The following GLIS3 variants were observed in gnomAD, a reference collection of about 807,000 sequenced individuals.
The protein encoded by GLIS3 is GLIS family zinc finger 3.
A neutral mutation model predicts 78.6 loss-of-function variants in GLIS3; 53 were observed. That is an observed-to-expected ratio of 0.67 (90% CI 0.54 to 0.85). The LOEUF is 0.85. Among genes scored for constraint, GLIS3 ranks in the 40% least tolerant of loss-of-function variants. GLIS3 has a pLI of 0.00. For synonymous variants in GLIS3, 684 were observed against 509.9 expected, an observed-to-expected ratio of 1.34 and a Z score of -4.60; for missense variants, 1,703 against 1,231.1, an observed-to-expected ratio of 1.38 and a Z score of -5.74.
chr9:4,370,960 A>T, the GLIS3 span, among the ~76,000 whole-genome samples: 1 of 152,150 alleles, frequency 6.6e-6, no homozygotes, highest in Non-Finnish European at 1.5e-5. Flanking sequence ...GTAAATTAAG[A>T]AGGAAAATTG....
At chr9:4,351,396 CA>C (rs5896064), upstream of GLIS3, among the ~76,000 whole-genome samples, 98,866 of 113,378 alleles carry the variant, frequency 0.87, 43,416 homozygotes, top group South Asian at 0.96. Context: ...CAGAGTGTCT[CA>C]AAAAAAAAAA....
intron 2 of GLIS3, among the ~76,000 whole-genome samples, chr9:4,134,345 T>C (rs1284742444): frequency 2.0e-5 from 3 of 152,200 alleles, no homozygotes; most frequent in African/African-American, 4.8e-5. Flanking sequence ...ATGCCTAATA[T>C]AAAATATGAG....
the GLIS3 span, among the ~76,000 whole-genome samples, chr9:4,413,282 T>A: frequency 6.6e-6 from 1 of 152,228 alleles, no homozygotes; most frequent in Non-Finnish European, 1.5e-5. Context: ...GCCATACCCT[T>A]GCATAGTGCC....
At chr9:4,337,383 T>C (rs751207447) in intron 2 of GLIS3, among the ~76,000 whole-genome samples, 7 of 152,232 alleles carry the variant, frequency 4.6e-5, no homozygotes, top group Non-Finnish European at 1.0e-4. Context: ...ATTAAAGTGA[T>C]ATGGTCAAAA....
At chr9:4,191,374 A>T (rs1818320511) in intron 2 of GLIS3, among the ~76,000 whole-genome samples, 1 of 152,224 alleles carries the variant, frequency 6.6e-6, no homozygotes, top group Non-Finnish European at 1.5e-5. Flanking sequence ...GTTTCATAAA[A>T]ATCGTTATCA....
intron 4 of GLIS3, among the ~76,000 whole-genome samples, chr9:4,054,983 G>C (rs936872102): frequency 6.6e-6 from 1 of 151,142 alleles, no homozygotes. Context: ...CAAGGATCTG[G>C]CTAACGTTGA....
rs759681640 is a variant in GLIS3, at chr9:4,117,948, C to A, written c.1530G>T (p.Leu510=). The change falls in exon 4 of 11, where the codon CTG becomes CTT. Residue 510 remains leucine, a synonymous_variant. Coordinates refer to ENST00000381971, the MANE Select transcript of GLIS3 (RefSeq NM_001042413.2). ...HCCRWIDCSA[L]YDQQEELVRH... is the part of the protein sequence containing the mutation. ...GCACGAGCTCCTCCTGCTGGTCGTA[C>A]AGGGCGCTGCAGTCGATCCAGCGGC... The A allele has an allele frequency of 2.5e-6, 4 of 1,613,960 alleles. No individual in the cohort carries two copies. The highest frequency in any genetic ancestry group is 1.6e-4 in the Middle Eastern group (1 of 6,084).
intron 2 of GLIS3, among the ~76,000 whole-genome samples, chr9:4,314,503 A>C (rs1817410261): frequency 6.6e-6 from 1 of 152,236 alleles, no homozygotes; most frequent in South Asian, 2.1e-4. Flanking sequence ...GCAGTCTAGA[A>C]CTTTGATGAT....
At chr9:4,307,286 G>C (rs2130511827) in intron 4 of GLIS3, among the ~76,000 whole-genome samples, 1 of 152,244 alleles carries the variant, frequency 6.6e-6, no homozygotes, top group Middle Eastern at 3.4e-3. Flanking sequence ...ATGTTGATGA[G>C]ATATGTGATA....
chr9:4,352,525 G>A (rs574643202), upstream of GLIS3, among the ~76,000 whole-genome samples: 3 of 152,380 alleles, frequency 2.0e-5, no homozygotes, highest in East Asian at 1.9e-4. Flanking sequence ...AGCACAGAAT[G>A]GAAACCAAAC....
intron 2 of GLIS3, among the ~76,000 whole-genome samples, chr9:4,169,629 A>G (rs1190633754): frequency 6.6e-6 from 1 of 152,208 alleles, no homozygotes; most frequent in Non-Finnish European, 1.5e-5. Context: ...ACTGTAGTTA[A>G]GAGAATAACT....
chr9:4,447,488 T>C, the GLIS3 span, among the ~76,000 whole-genome samples: 1 of 152,174 alleles, frequency 6.6e-6, no homozygotes, highest in African/African-American at 2.4e-5. Flanking sequence ...TCTCACAATG[T>C]CTTGCATGTC....
the GLIS3 span, among the ~76,000 whole-genome samples, chr9:4,418,467 A>C: frequency 2.6e-5 from 4 of 152,206 alleles, no homozygotes; most frequent in South Asian, 4.1e-4. Flanking sequence ...CAAAGACTAG[A>C]ACAGAAATAA....
At chr9:4,364,050 T>C in the GLIS3 span, among the ~76,000 whole-genome samples, 72 of 152,222 alleles carry the variant, frequency 4.7e-4, no homozygotes, top group Non-Finnish European at 7.2e-4. Flanking sequence ...TAGAGACTTA[T>C]CTAATAAATA....
the GLIS3 span, among the ~76,000 whole-genome samples, chr9:4,387,336 T>C: frequency 2.0e-5 from 3 of 152,142 alleles, no homozygotes; most frequent in African/African-American, 4.8e-5. Flanking sequence ...AGGTTCTTAC[T>C]TACATGAGAG....
intron 7 of GLIS3, among the ~76,000 whole-genome samples, chr9:3,889,367 A>G (rs1588157294): frequency 6.6e-6 from 1 of 152,164 alleles, no homozygotes; most frequent in African/African-American, 2.4e-5. Context: ...ACCTATGAGT[A>G]TTGGATAGTA....
At chr9:4,380,464 AAAG>A in the GLIS3 span, among the ~76,000 whole-genome samples, 7 of 152,346 alleles carry the variant, frequency 4.6e-5, no homozygotes, top group East Asian at 1.9e-4. Flanking sequence ...CAAAAGCACC[AAAG>A]AAGATAAAAA....
chr9:4,311,157 C>A (rs1273438038), intron 2 of GLIS3, among the ~76,000 whole-genome samples: 6 of 152,176 alleles, frequency 3.9e-5, no homozygotes, highest in Admixed American at 3.9e-4. Flanking sequence ...GCCTGTAATC[C>A]CAACACTTTG....
chr9:4,026,006 G>A (rs1042635910), intron 4 of GLIS3, among the ~76,000 whole-genome samples: 1 of 152,142 alleles, frequency 6.6e-6, no homozygotes, highest in South Asian at 2.1e-4. Context: ...AGTCATGATA[G>A]GGAAGAACAA....
Sources: gnomAD v4.1 joint callset for allele counts (sites outside exome capture counted in the v4.1 genomes callset) on GRCh38, gnomAD v4.1.1 for gene constraint, MANE v1.5 for transcripts, NCBI Gene and HGNC (gene_info 2026-07-23, HGNC 2026-07-21) for gene names.